NRL: variants seen among roughly 807,000 people sequenced by gnomAD.
NRL encodes the protein neural retina-specific leucine zipper protein.
Under a neutral mutation model 12.5 loss-of-function variants are expected in NRL, and 16 were observed. That is an observed-to-expected ratio of 1.28 (90% CI 0.87 to 1.95). The LOEUF is 1.95. NRL is among the 30% of genes most tolerant of loss of function. The pLI, the probability that NRL is intolerant of heterozygous loss-of-function variation, is 0.00. For synonymous variants in NRL, 142 were observed against 150.9 expected (o/e 0.94, Z 0.43); for missense variants, 314 against 325.8 (o/e 0.96, Z 0.28).
chr14:24,106,434 T>C (rs2037339746), intron 1 of NRL, among the ~76,000 whole-genome samples: 1 of 152,320 alleles, frequency 6.6e-6, no homozygotes. Context: ...GTGGAGTATA[T>C]TGTACTTTAA....
At position 24,094,946 on chromosome 14, in the gene NRL, G is replaced by A. The variant is rs1009901364; in HGVS notation, c.-27-12071C>T. 33 of 1,018,666 alleles carry A rather than the reference G, an allele frequency of 3.2e-5. No homozygotes were observed. In the African/African-American group the frequency reaches 4.0e-4, roughly 12 times the overall value. 63.1% of individuals were successfully genotyped at this position (1,018,666 alleles called of 1,614,324 possible). On this transcript the variant is annotated intron_variant, in intron 1 of 2. Coordinates refer to ENST00000561028, the MANE Select transcript of NRL (RefSeq NM_001354768.3). This position sits in a 1 kb window ranked among gnomAD's most constrained non-coding sequence, Gnocchi z 4.1. ...CCCGGACTGGAAGGACTGGAACCTG[G>A]CGGGAAGTCCAGAGCAGCCCGAGGG...
At chr14:24,089,564 C>T (rs1229177285) in intron 1 of NRL, among the ~76,000 whole-genome samples, 6 of 152,178 alleles carry the variant, frequency 3.9e-5, no homozygotes, top group Non-Finnish European at 8.8e-5. Flanking sequence ...AATATTTAAA[C>T]ACAAGGTTTG....
At chr14:24,098,586 T>C in intron 1 of NRL, 5 of 1,614,146 alleles carry the variant, frequency 3.1e-6, no homozygotes, top group Non-Finnish European at 4.2e-6. Flanking sequence ...ATGCGTATTA[T>C]GACCCGACTG....
At chr14:24,089,716 C>T (rs1361364317) in intron 1 of NRL, among the ~76,000 whole-genome samples, 1 of 152,182 alleles carries the variant, frequency 6.6e-6, no homozygotes, top group African/African-American at 2.4e-5. Context: ...CGAAGACATA[C>T]TCTAATACAA....
rs1566589044 is a variant in NRL, at chr14:24,114,826, G to A, written c.-132C>T. 2.0e-6 allele frequency: 2 copies of A among 985,966 alleles called. No individual in the cohort carries two copies. Among genetic ancestry groups the A allele is most frequent in the South Asian group, 9.4e-5 (2 of 21,302 alleles). 61.1% of individuals were successfully genotyped at this position (985,966 alleles called of 1,614,324 possible). ...CAGGAAGCCGCGAGATGCGTGACGAGCGAAGCGCGTGACGGAGGAGCGGTT... is the reference window on the plus strand; with the variant it reads ...CAGGAAGCCGCGAGATGCGTGACGAACGAAGCGCGTGACGGAGGAGCGGTT... On this transcript the variant is annotated 5_prime_UTR_variant, in exon 1 of 3. Coordinates refer to ENST00000561028, the MANE Select transcript of NRL (RefSeq NM_001354768.3).
intron 1 of NRL, chr14:24,099,683 G>A: frequency 6.2e-7 from 1 of 1,613,780 alleles, no homozygotes; most frequent in Admixed American, 1.7e-5. Context: ...TGGAGTGTGT[G>A]GGGGATGATA....
intron 1 of NRL, among the ~76,000 whole-genome samples, chr14:24,113,368 T>TA (rs1202092726): frequency 6.7e-6 from 1 of 149,962 alleles, no homozygotes; most frequent in African/African-American, 2.5e-5. Context: ...CCCTAAAACT[T>TA]AGAGTATAAT....
chr14:24,113,767 C>G lies in NRL; in HGVS notation c.-28+955G>C, dbSNP rs539833198. 2.1e-4 allele frequency among the ~76,000 whole-genome samples: 32 copies of G among 152,356 alleles called. 2 individuals carry two copies. The South Asian group carries it at 6.4e-3, about 31-fold the overall frequency. ...ACGTCGCCCGAAAGCTGGCCAAACC[C>G]TCGCCCTCACTGGGAGAGGCCCCAG... On this transcript the variant is annotated intron_variant, in intron 1 of 2. Coordinates refer to ENST00000561028, the MANE Select transcript of NRL (RefSeq NM_001354768.3).
In NRL at chr14:24,114,855, C is replaced by T. The variant is rs1566589064; in HGVS notation, c.-161G>A. 3 of 985,944 alleles carry T rather than the reference C, an allele frequency of 3.0e-6. No homozygotes were observed. In the African/African-American group the frequency reaches 5.2e-5, roughly 17 times the overall value. The allele number at this position is 985,944 out of a possible 1,614,324, so 61.1% of individuals were successfully genotyped here. The stretch of plus-strand genomic sequence containing the variant: ...AGCGCGTGACGGAGGAGCGGTTGGC[C>T]AACGCAGTGGCGGCAGTCGGTGTAA... On this transcript the variant is annotated 5_prime_UTR_variant, in exon 1 of 3. Transcript: ENST00000561028.
rs2036296052 is a variant in NRL, at chr14:24,081,490, GCCCGCAGC to G, written c.452_459del (p.Gly151AlafsTer67). 2 of 1,596,656 alleles carry G rather than the reference GCCCGCAGC, an allele frequency of 1.3e-6. No homozygotes were observed. The highest frequency in any genetic ancestry group is 1.7e-6 in the Non-Finnish European group (2 of 1,174,074). ...TGCTTCAGCCGCAGCGCCTCGTCGC[GCCCGCAGC>G]CCCGCAGCTGCCGGTTTAGCTCCCG... is the stretch of plus-strand genomic sequence containing the variant. On this transcript the variant is annotated frameshift_variant, in exon 3 of 3. Coordinates refer to ENST00000561028, the MANE Select transcript of NRL (RefSeq NM_001354768.3). LOFTEE classifies it high-confidence loss of function. The surrounding 1 kb of genome is among the most constrained non-coding windows in gnomAD (Gnocchi z 4.4).
In NRL at chr14:24,081,705, C is replaced by T; in HGVS notation, c.382-137G>A. 1 of 1,526,016 alleles carries T rather than the reference C, an allele frequency of 6.6e-7. No individual in the cohort carries two copies. The highest frequency in any genetic ancestry group is 8.8e-7 in the Non-Finnish European group (1 of 1,140,326). 94.5% of individuals were successfully genotyped at this position (1,526,016 alleles called of 1,614,324 possible). Reference sequence around the variant, plus strand: ...CTTCACCGGAAGGCTCGCCCTTCCACGCAGTCTGTTTCGGTCCAGAGCCCG... The same window carrying T: ...CTTCACCGGAAGGCTCGCCCTTCCATGCAGTCTGTTTCGGTCCAGAGCCCG... On this transcript the variant is annotated intron_variant, in intron 2 of 2. Transcript: ENST00000561028. The surrounding 1 kb of genome is among the most constrained non-coding windows in gnomAD (Gnocchi z 4.4).
In NRL at chr14:24,094,455, G is replaced by T; in HGVS notation, c.-27-11580C>A. Reference sequence around the variant, plus strand: ...CTGCGGTGAGTGACCCCCGGCCCGGGGCCCACCCGCACCTTCCGCTGCGCT... The same window carrying T: ...CTGCGGTGAGTGACCCCCGGCCCGGTGCCCACCCGCACCTTCCGCTGCGCT... On this transcript the variant is annotated intron_variant, in intron 1 of 2. Coordinates refer to ENST00000561028, the MANE Select transcript of NRL (RefSeq NM_001354768.3). This position sits in a 1 kb window ranked among gnomAD's most constrained non-coding sequence, Gnocchi z 4.1. The T allele has an allele frequency of 6.5e-7, 1 of 1,530,350 alleles. No homozygotes were observed. The highest frequency in any genetic ancestry group is 8.7e-7 in the Non-Finnish European group (1 of 1,145,272). The allele number at this position is 1,530,350 out of a possible 1,614,324, so 94.8% of individuals were successfully genotyped here.
chr14:24,092,379 T>C lies in NRL; in HGVS notation c.-27-9504A>G, dbSNP rs563181456. On this transcript the variant is annotated intron_variant, in intron 1 of 2. Transcript: ENST00000561028. Reference sequence around the variant, plus strand: ...CTGGCATCTGATTAGCTATGCAGGATAAGAATAGTCTAGACTGATTCCCTT... The same window carrying C: ...CTGGCATCTGATTAGCTATGCAGGACAAGAATAGTCTAGACTGATTCCCTT... Among the ~76,000 whole-genome samples, 3 of 152,228 alleles carry C rather than the reference T, an allele frequency of 2.0e-5. No individual in the cohort carries two copies. In the South Asian group the frequency reaches 6.2e-4, roughly 32 times the overall value.
Position 24,094,572 on chromosome 14 carries a change from G to T in NRL, c.-27-11697C>A. 6.9e-7 allele frequency: 1 copy of T among 1,445,614 alleles called. No homozygotes were observed. Among genetic ancestry groups the T allele is most frequent in the Non-Finnish European group, 9.1e-7 (1 of 1,103,322 alleles). The allele number at this position is 1,445,614 out of a possible 1,614,324, so 89.5% of individuals were successfully genotyped here. A position where few individuals can be genotyped will look rare whatever the true frequency, so the allele number is the denominator to read the frequency against. Reference sequence around the variant, plus strand: ...GGAGGCGGGCAGGGGCGACTGCTGTGGGTCCAGCCTCCCGCGCCGCGCGTC... The same window carrying T: ...GGAGGCGGGCAGGGGCGACTGCTGTTGGTCCAGCCTCCCGCGCCGCGCGTC... On this transcript the variant is annotated intron_variant, in intron 1 of 2. Coordinates refer to ENST00000561028, the MANE Select transcript of NRL (RefSeq NM_001354768.3). The surrounding 1 kb of genome is among the most constrained non-coding windows in gnomAD (Gnocchi z 4.1).
chr14:24,084,815 T>C, intron 1 of NRL: 2 of 662,376 alleles, frequency 3.0e-6, no homozygotes, highest in African/African-American at 2.0e-5. Context: ...AAAGGGAGCA[T>C]CTTCCCCAAC....
Position 24,079,538 on chromosome 14 carries a change from G to C in NRL, c.*1698C>G, listed in dbSNP as rs2036215326. Among the ~76,000 whole-genome samples, 1 of 152,278 alleles carries C rather than the reference G, an allele frequency of 6.6e-6. No homozygotes were observed. Among genetic ancestry groups the C allele is most frequent in the Non-Finnish European group, 1.5e-5 (1 of 68,030 alleles). ...GAGAAATTCTGAGAGCGATGGAGGA[G>C]AGGACTCCCATTGCAGGCTCCTAAG... On this transcript the variant is annotated 3_prime_UTR_variant, in exon 3 of 3. Transcript: ENST00000561028.
chr14:24,088,867 G>A (rs2036537953), intron 1 of NRL, among the ~76,000 whole-genome samples: 1 of 143,830 alleles, frequency 7.0e-6, no homozygotes, highest in African/African-American at 2.6e-5. Flanking sequence ...GGGCAGTGGC[G>A]CGATCTTGGC....
chr14:24,096,975 G>A (rs754027413), intron 1 of NRL: 1 of 1,613,620 alleles, frequency 6.2e-7, no homozygotes, highest in Non-Finnish European at 8.5e-7. Context: ...GGAGATCTGG[G>A]CCAGCTTCCC....
rs2036452929 is a variant in NRL, at chr14:24,085,819, A to T, written c.-27-2944T>A. On this transcript the variant is annotated intron_variant, in intron 1 of 2. Coordinates refer to ENST00000561028, the MANE Select transcript of NRL (RefSeq NM_001354768.3). This position sits in a 1 kb window ranked among gnomAD's most constrained non-coding sequence, Gnocchi z 4.1. ...GCAGCAGCATCCATATCACCTGGGA[A>T]CTTGCTAGAAATACATGTTACCTGA... Among the ~76,000 whole-genome samples, 1 of 152,214 alleles carries T rather than the reference A, an allele frequency of 6.6e-6. No homozygotes were observed. Among genetic ancestry groups the T allele is most frequent in the Non-Finnish European group, 1.5e-5 (1 of 68,038 alleles).
Sources: gnomAD v4.1 joint callset for allele counts (sites outside exome capture counted in the v4.1 genomes callset) on GRCh38, gnomAD v4.1.1 for gene constraint, Gnocchi (gnomAD v3.1) non-coding constraint, MANE v1.5 for transcripts, NCBI Gene and HGNC (gene_info 2026-07-23, HGNC 2026-07-21) for gene names.